Variants in PIGF observed in about 807,000 individuals in gnomAD.
PIGF encodes GPI ethanolamine phosphate transferase, stabilizing subunit.
Under a neutral mutation model 26.0 loss-of-function variants are expected in PIGF, and 23 were observed. The ratio of observed to expected loss-of-function variants is 0.88; its 90% confidence interval spans 0.64 to 1.25. The LOEUF is 1.25. PIGF is among the 50% of genes most tolerant of loss of function. The pLI is 0.00. For missense variants in PIGF, 278 were observed against 249.9 expected, an observed-to-expected ratio of 1.11 and a Z score of -0.76; for synonymous variants, 93 against 92.6, an observed-to-expected ratio of 1.00 and a Z score of -0.03.
chr2:46,598,529 AT>A lies in PIGF; in HGVS notation c.438-5947del, dbSNP rs747263045. Among the ~76,000 whole-genome samples the A allele has an allele frequency of 2.5e-3, 262 of 103,498 alleles. 2 individuals are homozygous for A. Among genetic ancestry groups the A allele is most frequent in the African/African-American group, 4.0e-3 (89 of 22,400 alleles). The allele number at this position is 103,498 out of a possible 152,430, so 67.9% of individuals were successfully genotyped here. On this transcript the variant is annotated intron_variant, in intron 4 of 5. Coordinates refer to ENST00000281382, the MANE Select transcript of PIGF (RefSeq NM_002643.4). ...ATAAACTTTCTTAAAACATTATGAGATTTTTTTTTTTTTTTTTTTTTTTTAG... is the reference window on the plus strand; with the variant it reads ...ATAAACTTTCTTAAAACATTATGAGATTTTTTTTTTTTTTTTTTTTTTTAG...
At chr2:46,595,097 A>C (rs1250148751) in intron 4 of PIGF, among the ~76,000 whole-genome samples, 2 of 152,118 alleles carry the variant, frequency 1.3e-5, no homozygotes, top group African/African-American at 4.8e-5. Flanking sequence ...TATTGAGTAG[A>C]GTCAAAAATT....
rs73926529 is a variant in PIGF, at chr2:46,616,617, A to C, written c.-22+353T>G. On this transcript the variant is annotated intron_variant, in intron 1 of 5. Coordinates refer to ENST00000281382, the MANE Select transcript of PIGF (RefSeq NM_002643.4). Reference sequence around the variant, plus strand: ...CGGAGAGAAGGCTCTTCCGAGCGGCACCCAGAGGAGCCTTCGCGGGCATCG... The same window carrying C: ...CGGAGAGAAGGCTCTTCCGAGCGGCCCCCAGAGGAGCCTTCGCGGGCATCG... 591 of 155,058 alleles carry C rather than the reference A, an allele frequency of 3.8e-3. 4 individuals are homozygous for C. Among genetic ancestry groups the C allele is most frequent in the African/African-American group, 0.013 (559 of 41,574 alleles). 9.6% of individuals were successfully genotyped at this position (155,058 alleles called of 1,614,324 possible).
At chr2:46,600,918 T>C (rs1305803235) in intron 4 of PIGF, among the ~76,000 whole-genome samples, 3 of 151,840 alleles carry the variant, frequency 2.0e-5, no homozygotes, top group Non-Finnish European at 2.9e-5. Flanking sequence ...AAATTATATA[T>C]ATATAATTAA....
rs191481289 is a variant in PIGF at position 46,604,982 on chromosome 2, C to A, written c.437+7246G>T. 3.3e-5 allele frequency among the ~76,000 whole-genome samples: 5 copies of A among 151,770 alleles called. No individual in the cohort carries two copies. The East Asian group carries it at 9.7e-4, about 29-fold the overall frequency. ...TCATGTACTCCAGAAATGTATATATCTACTATGTAGACACAAAAAAATAAA... is the reference window on the plus strand; with the variant it reads ...TCATGTACTCCAGAAATGTATATATATACTATGTAGACACAAAAAAATAAA... On this transcript the variant is annotated intron_variant, in intron 4 of 5. Coordinates refer to ENST00000281382, the MANE Select transcript of PIGF (RefSeq NM_002643.4).
chr2:46,583,715 G>C (rs372838910), intron 5 of PIGF, among the ~76,000 whole-genome samples: 1 of 152,136 alleles, frequency 6.6e-6, no homozygotes, highest in Non-Finnish European at 1.5e-5. Context: ...GGCTTCAATA[G>C]AAATTCAGAC....
Position 46,592,544 on chromosome 2 carries a change from T to C in PIGF, c.477A>G (p.Thr159=), listed in dbSNP as rs374543858. The change falls in exon 5 of 6, where the codon ACA becomes ACG. Residue 159 remains threonine (T), a synonymous_variant. Coordinates refer to ENST00000281382, the MANE Select transcript of PIGF (RefSeq NM_002643.4). ...SIWENSLQIT[T]ISSFVGAWLG... is the part of the protein sequence containing the mutation. ...GCCATGCTCCTACAAAGCTAGAAATTGTAGTGATCTGGAGACTATTCTCCC... is the reference window on the plus strand; with the variant it reads ...GCCATGCTCCTACAAAGCTAGAAATCGTAGTGATCTGGAGACTATTCTCCC... The C allele has an allele frequency of 6.2e-7, 1 of 1,607,564 alleles. No homozygotes were observed. Among genetic ancestry groups the C allele is most frequent in the Non-Finnish European group, 8.5e-7 (1 of 1,174,154 alleles).
chr2:46,604,645 T>A (rs1670162240), intron 4 of PIGF, among the ~76,000 whole-genome samples: 1 of 151,850 alleles, frequency 6.6e-6, no homozygotes, highest in Non-Finnish European at 1.5e-5. Flanking sequence ...CACTTATTTG[T>A]GGTAGTTAAA....
chr2:46,602,603 CTG>C (rs1670094030), intron 4 of PIGF, among the ~76,000 whole-genome samples: 1 of 151,772 alleles, frequency 6.6e-6, no homozygotes, highest in Non-Finnish European at 1.5e-5. Flanking sequence ...CAAAACTCTA[CTG>C]TGTTTTACAT....
Position 46,588,294 on chromosome 2 carries a change from C to A in PIGF, c.546+4181G>T. 1 of 1,307,270 alleles carries A rather than the reference C, an allele frequency of 7.6e-7. No homozygotes were observed. Among genetic ancestry groups the A allele is most frequent in the South Asian group, 1.6e-5 (1 of 62,478 alleles). 81.0% of individuals were successfully genotyped at this position (1,307,270 alleles called of 1,614,324 possible). Reference sequence around the variant, plus strand: ...GTCCACTCTACCAACTGAAAGACTGCTGGGCAGAAAAAATAAAACAACAAA... The same window carrying A: ...GTCCACTCTACCAACTGAAAGACTGATGGGCAGAAAAAATAAAACAACAAA... On this transcript the variant is annotated intron_variant, in intron 5 of 5. Coordinates refer to ENST00000281382, the MANE Select transcript of PIGF (RefSeq NM_002643.4). This position sits in a 1 kb window ranked among gnomAD's most constrained non-coding sequence, Gnocchi z 4.1.
intron 4 of PIGF, among the ~76,000 whole-genome samples, chr2:46,598,221 A>T (rs908641739): frequency 1.4e-4 from 20 of 146,824 alleles, no homozygotes; most frequent in African/African-American, 2.5e-5. Context: ...GGTAAACTTT[A>T]AAAAAAAAAA....
intron 4 of PIGF, among the ~76,000 whole-genome samples, chr2:46,604,272 A>C (rs946132328): frequency 6.6e-6 from 1 of 152,062 alleles, no homozygotes; most frequent in Non-Finnish European, 1.5e-5. Flanking sequence ...GTGGGAATGT[A>C]AATCAGTACA....
chr2:46,614,895 C>A, intron 2 of PIGF, 42 bp downstream of exon 2: 3 of 902,306 alleles, frequency 3.3e-6, no homozygotes, highest in Non-Finnish European at 5.5e-6. Context: ...AAAAGAAACA[C>A]TAGCTCCATC....
intron 4 of PIGF, among the ~76,000 whole-genome samples, chr2:46,606,085 GAC>G: frequency 6.6e-6 from 1 of 152,110 alleles, no homozygotes; most frequent in Admixed American, 6.6e-5. Flanking sequence ...GCAATTTCCT[GAC>G]ATAAGCCTAC....
intron 4 of PIGF, among the ~76,000 whole-genome samples, chr2:46,595,941 G>A (rs1388947270): frequency 6.6e-6 from 1 of 152,170 alleles, no homozygotes; most frequent in East Asian, 1.9e-4. Flanking sequence ...GTGGCTGGGT[G>A]CGGTGGCTCT....
At chr2:46,605,044 G>C (rs1379305801) in intron 4 of PIGF, among the ~76,000 whole-genome samples, 2 of 151,904 alleles carry the variant, frequency 1.3e-5, no homozygotes, top group Non-Finnish European at 2.9e-5. Context: ...TATGAATAAT[G>C]CTAACTACAT....
intron 1 of PIGF, chr2:46,616,292 G>C (rs960148954): frequency 6.6e-6 from 1 of 152,332 alleles, no homozygotes; most frequent in African/African-American, 2.4e-5. Context: ...AGGGACAAAG[G>C]GAAAGTTTCC....
At chr2:46,612,088 C>T in intron 4 of PIGF, 140 bp downstream of exon 4, 1 of 360,014 alleles carries the variant, frequency 2.8e-6, no homozygotes, top group Admixed American at 4.7e-5. Flanking sequence ...TCCCTAATTG[C>T]AGTGACCCCT....
At chr2:46,584,736 G>A (rs1005819119) in intron 5 of PIGF, among the ~76,000 whole-genome samples, 7 of 152,064 alleles carry the variant, frequency 4.6e-5, no homozygotes, top group African/African-American at 1.7e-4. Flanking sequence ...TGGCTTTCCT[G>A]AAATAAGCAT....
intron 4 of PIGF, among the ~76,000 whole-genome samples, chr2:46,601,180 G>A (rs555137946): frequency 1.9e-4 from 29 of 152,010 alleles, no homozygotes; most frequent in African/African-American, 6.3e-4. Flanking sequence ...TGAATTCTAC[G>A]GTTATTGGCT....
Sources: allele counts gnomAD v4.1 joint callset (sites outside exome capture counted in the v4.1 genomes callset), GRCh38; gene constraint gnomAD v4.1.1; non-coding constraint Gnocchi (gnomAD v3.1); transcripts MANE v1.5; gene names NCBI Gene and HGNC (gene_info 2026-07-23, HGNC 2026-07-21).